KCTD16: variants seen among roughly 807,000 people sequenced by gnomAD.
KCTD16 encodes the protein BTB/POZ domain-containing protein KCTD16.
A neutral mutation model predicts 33.2 loss-of-function variants in KCTD16; 13 were observed. The observed-to-expected ratio is 0.39, with a 90% CI of 0.25 to 0.62. The LOEUF is 0.62. KCTD16 is among the 20% of genes least tolerant of loss of function. The pLI is 0.50. For missense variants in KCTD16, 441 were observed against 525.1 expected (o/e 0.84, Z 1.57); for synonymous variants, 197 against 195.3 (o/e 1.01, Z -0.07).
At chr5:144,415,352 T>C (rs565250403) in intron 3 of KCTD16, among the ~76,000 whole-genome samples, 3 of 152,178 alleles carry the variant, frequency 2.0e-5, no homozygotes, top group Admixed American at 1.3e-4. Context: ...ATTTGAACCA[T>C]AGCAACAACC....
intron 3 of KCTD16, among the ~76,000 whole-genome samples, chr5:144,400,855 G>A (rs1752686847): frequency 6.6e-6 from 1 of 152,206 alleles, no homozygotes; most frequent in Admixed American, 6.5e-5. Context: ...CTGAGACTTG[G>A]TGGGGAAGAA....
At chr5:144,340,589 T>G (rs1046981037) in intron 3 of KCTD16, among the ~76,000 whole-genome samples, 2 of 151,924 alleles carry the variant, frequency 1.3e-5, no homozygotes, top group Non-Finnish European at 2.9e-5. Flanking sequence ...ACCCCTAATA[T>G]GATAGTATTA....
intron 3 of KCTD16, among the ~76,000 whole-genome samples, chr5:144,367,600 A>G (rs563512431): frequency 6.6e-6 from 1 of 152,240 alleles, no homozygotes; most frequent in East Asian, 1.9e-4. Flanking sequence ...TTATAGCTCC[A>G]CTATTTCTTG....
intron 3 of KCTD16, among the ~76,000 whole-genome samples, chr5:144,217,353 G>A (rs1580795851): frequency 6.6e-6 from 1 of 151,974 alleles, no homozygotes; most frequent in East Asian, 1.9e-4. Context: ...TCCTTAAATA[G>A]AGGGATATCT....
intron 3 of KCTD16, among the ~76,000 whole-genome samples, chr5:144,262,290 T>C (rs1198038290): frequency 2.0e-5 from 3 of 152,140 alleles, no homozygotes; most frequent in Non-Finnish European, 4.4e-5. Context: ...GGGAAAGAAC[T>C]TGGCCAAAGC....
intron 3 of KCTD16, chr5:144,377,597 A>G (rs1351426208): frequency 6.6e-6 from 1 of 152,148 alleles, no homozygotes; most frequent in African/African-American, 2.4e-5. Flanking sequence ...TGCTACATAC[A>G]TTTAAAACTC....
chr5:144,355,608 C>T (rs1338766705), intron 3 of KCTD16, among the ~76,000 whole-genome samples: 2 of 152,200 alleles, frequency 1.3e-5, no homozygotes, highest in Non-Finnish European at 2.9e-5. Context: ...AATATCCACT[C>T]ATAGTTCTCA....
chr5:144,245,284 AAAGAG>A (rs1022080046), intron 3 of KCTD16, among the ~76,000 whole-genome samples: 2 of 152,212 alleles, frequency 1.3e-5, no homozygotes, highest in African/African-American at 4.8e-5. Context: ...AGATACTTTG[AAAGAG>A]AAGACTATTT....
At chr5:144,345,055 G>A (rs1342633061) in intron 3 of KCTD16, among the ~76,000 whole-genome samples, 3 of 151,906 alleles carry the variant, frequency 2.0e-5, no homozygotes, top group Non-Finnish European at 4.4e-5. Context: ...GTCCTTTGTA[G>A]GGACATGGAT....
chr5:144,405,697 C>A (rs370066863), intron 3 of KCTD16, among the ~76,000 whole-genome samples: 73 of 152,214 alleles, frequency 4.8e-4, no homozygotes, highest in Non-Finnish European at 7.5e-4. Context: ...CCTTAGAATG[C>A]GGGAAGCTGC....
intron 3 of KCTD16, among the ~76,000 whole-genome samples, chr5:144,347,415 T>G (rs896637929): frequency 1.1e-4 from 17 of 152,092 alleles, no homozygotes; most frequent in Admixed American, 1.0e-3. Context: ...GCCAACATGG[T>G]GAAACCTCGT....
At chr5:144,190,209 C>G (rs978314147) in intron 2 of KCTD16, among the ~76,000 whole-genome samples, 1 of 152,182 alleles carries the variant, frequency 6.6e-6, no homozygotes, top group Non-Finnish European at 1.5e-5. Context: ...TCTTACTAGA[C>G]TATGAGCAAT....
At chr5:144,425,438 TG>T (rs749616772) in intron 3 of KCTD16, among the ~76,000 whole-genome samples, 8 of 151,744 alleles carry the variant, frequency 5.3e-5, no homozygotes, top group Non-Finnish European at 1.0e-4. Flanking sequence ...CCTAGAGTAC[TG>T]GGGTCTCTGA....
rs562990552 is a variant in KCTD16, at chr5:144,307,458, A to T, written c.832+99912A>T. On this transcript the variant is annotated intron_variant, in intron 3 of 3. Transcript: ENST00000512467. ...CCCATCTAGTGCTTTTAGAATAATA[A>T]TGATCATTTATTGGGTATTCACTAT... is the stretch of plus-strand genomic sequence containing the variant. Among the ~76,000 whole-genome samples, 3 of 152,242 alleles carry T rather than the reference A, an allele frequency of 2.0e-5. No individual in the cohort carries two copies. In the East Asian group the frequency reaches 5.8e-4, roughly 29 times the overall value.
At chr5:144,285,767 T>C (rs374679343) in intron 3 of KCTD16, among the ~76,000 whole-genome samples, 1 of 152,186 alleles carries the variant, frequency 6.6e-6, no homozygotes, top group Admixed American at 6.5e-5. Context: ...TCTCGAATGA[T>C]GGTATTTTGT....
intron 3 of KCTD16, among the ~76,000 whole-genome samples, chr5:144,322,704 C>T (rs1231262016): frequency 2.8e-5 from 4 of 145,150 alleles, no homozygotes; most frequent in African/African-American, 1.1e-4. Flanking sequence ...CTCACAATAA[C>T]AACAAAAGGA....
intron 3 of KCTD16, among the ~76,000 whole-genome samples, chr5:144,298,371 G>A (rs1320581593): frequency 6.6e-6 from 1 of 152,202 alleles, no homozygotes; most frequent in Non-Finnish European, 1.5e-5. Context: ...CACCTGCCAT[G>A]CTCAAGAAGT....
At chr5:144,350,864 G>A (rs1751411224) in intron 3 of KCTD16, among the ~76,000 whole-genome samples, 2 of 144,206 alleles carry the variant, frequency 1.4e-5, no homozygotes, top group South Asian at 4.3e-4. Flanking sequence ...ATTTTGTGGT[G>A]AGACTCTCAG....
At chr5:144,416,224 C>G (rs1473696754) in intron 3 of KCTD16, among the ~76,000 whole-genome samples, 1 of 152,134 alleles carries the variant, frequency 6.6e-6, no homozygotes, top group East Asian at 1.9e-4. Flanking sequence ...GTCCATCCAT[C>G]TCCAAAATAT....
Sources: gnomAD v4.1 joint callset for allele counts (sites outside exome capture counted in the v4.1 genomes callset) on GRCh38, gnomAD v4.1.1 for gene constraint, MANE v1.5 for transcripts, NCBI Gene and HGNC (gene_info 2026-07-23, HGNC 2026-07-21) for gene names.